The following LRRTM4 variants were observed in gnomAD, a reference collection of about 807,000 sequenced individuals.
LRRTM4 encodes leucine rich repeat transmembrane neuronal 4, also known as leucine-rich repeat transmembrane neuronal protein 4.
LRRTM4 carries 25 observed loss-of-function variants against 47.6 expected under a neutral mutation model. The observed-to-expected ratio is 0.53, with a 90% confidence interval of 0.38 to 0.73. LRRTM4 has a LOEUF of 0.73. Ranked by LOEUF, LRRTM4 falls within the 30% of genes least tolerant of loss-of-function variation. The probability of loss-of-function intolerance (pLI) is 0.00; values close to 1 mark genes in which losing one functional copy is unlikely to be tolerated. For synonymous variants in LRRTM4, 311 were observed against 269.5 expected (o/e 1.15, Z -1.51); for missense variants, 638 against 713.4 (o/e 0.89, Z 1.20).
At chr2:77,132,759 C>G (rs573271349) in intron 3 of LRRTM4, among the ~76,000 whole-genome samples, 3 of 152,134 alleles carry the variant, frequency 2.0e-5, no homozygotes, top group Non-Finnish European at 4.4e-5. Flanking sequence ...CCTAAAGTCC[C>G]CTCCTCTTAG....
chr2:76,889,571 T>C (rs1304182755), intron 3 of LRRTM4, among the ~76,000 whole-genome samples: 1 of 151,874 alleles, frequency 6.6e-6, no homozygotes, highest in African/African-American at 2.4e-5. Flanking sequence ...TGGCAACAGA[T>C]ATATAAAAAT....
At chr2:76,947,083 T>C (rs1270099806) in intron 3 of LRRTM4, among the ~76,000 whole-genome samples, 1 of 151,890 alleles carries the variant, frequency 6.6e-6, no homozygotes, top group Non-Finnish European at 1.5e-5. Context: ...TTCAAGGAAG[T>C]ATTTAGATTT....
At chr2:77,282,579 A>C (rs61230348) in intron 3 of LRRTM4, among the ~76,000 whole-genome samples, 53,903 of 151,524 alleles carry the variant, frequency 0.36, 13,610 homozygotes, top group African/African-American at 0.7. Flanking sequence ...CATTATATAA[A>C]CTAATTTCAA....
At chr2:77,194,868 A>G (rs576999426) in intron 3 of LRRTM4, among the ~76,000 whole-genome samples, 1 of 152,164 alleles carries the variant, frequency 6.6e-6, no homozygotes, top group African/African-American at 2.4e-5. Flanking sequence ...ACTTACAGCT[A>G]AAGGTACTCA....
chr2:77,247,270 T>A (rs1202059621), intron 3 of LRRTM4, among the ~76,000 whole-genome samples: 1 of 152,112 alleles, frequency 6.6e-6, no homozygotes, highest in African/African-American at 2.4e-5. Flanking sequence ...AAGCAAAATA[T>A]AACTTCACAA....
At chr2:76,780,973 C>G (rs989249667) in intron 3 of LRRTM4, among the ~76,000 whole-genome samples, 2 of 152,360 alleles carry the variant, frequency 1.3e-5, no homozygotes, top group South Asian at 4.1e-4. Flanking sequence ...AGTTTTCCTT[C>G]TAACAGAGAG....
intron 3 of LRRTM4, among the ~76,000 whole-genome samples, chr2:77,007,062 G>GT (rs916682979): frequency 6.6e-6 from 1 of 151,274 alleles, no homozygotes; most frequent in African/African-American, 2.4e-5. Context: ...AACAGTTTGA[G>GT]TTAAAAAAAA....
intron 3 of LRRTM4, among the ~76,000 whole-genome samples, chr2:77,273,543 G>A (rs75474822): frequency 0.03 from 4,622 of 152,128 alleles, 100 homozygotes; most frequent in Non-Finnish European, 0.045. Flanking sequence ...TATAAGTGGG[G>A]GTTATTATTT....
At chr2:77,153,259 G>C (rs903308770) in intron 3 of LRRTM4, among the ~76,000 whole-genome samples, 1 of 152,106 alleles carries the variant, frequency 6.6e-6, no homozygotes, top group Non-Finnish European at 1.5e-5. Context: ...TCTGTGTGCT[G>C]CAACTGTGTT....
chr2:77,180,989 T>C (rs1026652255), intron 3 of LRRTM4, among the ~76,000 whole-genome samples: 1 of 152,200 alleles, frequency 6.6e-6, no homozygotes, highest in Non-Finnish European at 1.5e-5. Context: ...CTAATCTTTT[T>C]TCTTTAAAAG....
chr2:77,016,889 T>A (rs199694906), intron 3 of LRRTM4, among the ~76,000 whole-genome samples: 10 of 152,160 alleles, frequency 6.6e-5, no homozygotes, highest in East Asian at 5.8e-4. Context: ...TTTTTTTTTT[T>A]AATAAGGGAG....
chr2:77,284,815 G>A (rs534539541), intron 3 of LRRTM4, among the ~76,000 whole-genome samples: 1 of 152,158 alleles, frequency 6.6e-6, no homozygotes, highest in African/African-American at 2.4e-5. Context: ...GAAAGTGTAT[G>A]TTGATAATCT....
At chr2:76,771,648 A>G (rs1222263400) in intron 3 of LRRTM4, among the ~76,000 whole-genome samples, 1 of 140,656 alleles carries the variant, frequency 7.1e-6, no homozygotes, top group Non-Finnish European at 1.5e-5. Flanking sequence ...ACAGAAAAAA[A>G]AAAAAAAAAG....
At chr2:77,017,569 T>G (rs1429687880) in intron 3 of LRRTM4, among the ~76,000 whole-genome samples, 1 of 152,196 alleles carries the variant, frequency 6.6e-6, no homozygotes, top group African/African-American at 2.4e-5. Context: ...CACGTGTTTG[T>G]GTACCATCTA....
intron 3 of LRRTM4, among the ~76,000 whole-genome samples, chr2:77,000,962 TACCTC>T (rs1184067227): frequency 3.3e-5 from 5 of 152,134 alleles, no homozygotes; most frequent in African/African-American, 1.2e-4. Flanking sequence ...AGCTACCTTA[TACCTC>T]AGGGGAGAAC....
At chr2:76,898,930 T>A (rs1673520135) in intron 3 of LRRTM4, among the ~76,000 whole-genome samples, 2 of 152,042 alleles carry the variant, frequency 1.3e-5, no homozygotes, top group East Asian at 3.9e-4. Flanking sequence ...TCACATATTT[T>A]GAAAGGTTAA....
intron 3 of LRRTM4, among the ~76,000 whole-genome samples, chr2:77,167,973 T>C (rs1488387992): frequency 6.6e-6 from 1 of 151,990 alleles, no homozygotes; most frequent in Non-Finnish European, 1.5e-5. Flanking sequence ...AAAAGAGTTC[T>C]TCTACCAGTA....
chr2:76,860,157 G>T (rs1672270820), intron 3 of LRRTM4, among the ~76,000 whole-genome samples: 2 of 152,066 alleles, frequency 1.3e-5, no homozygotes, highest in Non-Finnish European at 2.9e-5. Flanking sequence ...ATATTCTAAT[G>T]ATATCACAAC....
intron 3 of LRRTM4, among the ~76,000 whole-genome samples, chr2:77,193,534 G>A (rs962624551): frequency 2.8e-4 from 43 of 151,748 alleles, no homozygotes; most frequent in African/African-American, 9.7e-4. Flanking sequence ...TTTCGGCCGG[G>A]CGTAGTGGCT....
Sources: gnomAD v4.1 joint callset for allele counts (sites outside exome capture counted in the v4.1 genomes callset) on GRCh38, gnomAD v4.1.1 for gene constraint, MANE v1.5 for transcripts, NCBI Gene and HGNC (gene_info 2026-07-23, HGNC 2026-07-21) for gene names.